The following LPP variants were observed in gnomAD, a reference collection of about 807,000 sequenced individuals.
LPP encodes the protein lipoma-preferred partner.
Under a neutral mutation model 60.4 loss-of-function variants are expected in LPP, and 38 were observed. The ratio of observed to expected loss-of-function variants is 0.63; its 90% CI spans 0.49 to 0.83. The LOEUF is 0.83. LPP is among the 40% of genes least tolerant of loss of function. The pLI is 0.00. For missense variants in LPP, 902 were observed against 783.6 expected, an observed-to-expected ratio of 1.15 and a Z score of -1.80; for synonymous variants, 328 against 290.8, an observed-to-expected ratio of 1.13 and a Z score of -1.30.
At chr3:188,525,693 G>A (rs1820399646) in intron 6 of LPP, among the ~76,000 whole-genome samples, 1 of 152,164 alleles carries the variant, frequency 6.6e-6, no homozygotes, top group South Asian at 2.1e-4. Flanking sequence ...TAGGAGTGGG[G>A]TTGCTACATT....
At chr3:188,389,036 A>AT (rs1468962998) in intron 3 of LPP, among the ~76,000 whole-genome samples, 1 of 152,012 alleles carries the variant, frequency 6.6e-6, no homozygotes, top group Non-Finnish European at 1.5e-5. Flanking sequence ...TGAATCTTTC[A>AT]TTTTTTTGGC....
chr3:188,481,013 C>T (rs1804623187), intron 4 of LPP, among the ~76,000 whole-genome samples: 1 of 152,146 alleles, frequency 6.6e-6, no homozygotes, highest in African/African-American at 2.4e-5. Flanking sequence ...TTTTCTTAAA[C>T]ATGATAATTC....
At chr3:188,378,110 G>C (rs181431807) in intron 3 of LPP, among the ~76,000 whole-genome samples, 3 of 152,332 alleles carry the variant, frequency 2.0e-5, no homozygotes, top group Admixed American at 2.0e-4. Context: ...GTGTCCGTCT[G>C]CCCCTACTGG....
At chr3:188,675,914 G>A (rs555312679) in intron 7 of LPP, among the ~76,000 whole-genome samples, 3 of 151,980 alleles carry the variant, frequency 2.0e-5, no homozygotes, top group Non-Finnish European at 2.9e-5. Flanking sequence ...GTACTGCCCC[G>A]ACTGCTGCAA....
In LPP at chr3:188,436,303, G is replaced by A. The variant is rs555502042; in HGVS notation, c.193+29990G>A. Among the ~76,000 whole-genome samples, 57 of 152,208 alleles carry A rather than the reference G, an allele frequency of 3.7e-4. No homozygotes were observed. The South Asian group carries it at 7.7e-3, about 20-fold the overall frequency. ...AGGTTATGGCTGATATATAATTGAC[G>A]TTATCAGTTTTAGTAAATTTTATTT... On this transcript the variant is annotated intron_variant, in intron 4 of 11. Transcript: ENST00000617246.
chr3:188,396,936 C>T (rs1781091657), intron 3 of LPP, among the ~76,000 whole-genome samples: 1 of 152,176 alleles, frequency 6.6e-6, no homozygotes, highest in South Asian at 2.1e-4. Context: ...TTTAAATCTG[C>T]AGAAACTGAG....
At chr3:188,601,440 A>G (rs909000580) in intron 6 of LPP, among the ~76,000 whole-genome samples, 2 of 152,172 alleles carry the variant, frequency 1.3e-5, no homozygotes, top group African/African-American at 2.4e-5. Flanking sequence ...CTGATTTCCC[A>G]TAAAAATTTT....
intron 9 of LPP, among the ~76,000 whole-genome samples, chr3:188,835,176 T>C (rs1485930568): frequency 1.3e-5 from 2 of 151,846 alleles, no homozygotes; most frequent in African/African-American, 4.8e-5. Flanking sequence ...GAATAAGCTA[T>C]GGCCAGGCGC....
intron 7 of LPP, among the ~76,000 whole-genome samples, chr3:188,661,861 AT>A (rs35656447): frequency 0.027 from 4,042 of 152,270 alleles, 98 homozygotes; most frequent in Non-Finnish European, 0.045. Flanking sequence ...CTCCTAACTC[AT>A]TTTTCTTTCA....
intron 5 of LPP, among the ~76,000 whole-genome samples, chr3:188,512,337 C>T (rs779972410): frequency 3.3e-5 from 5 of 152,162 alleles, no homozygotes; most frequent in South Asian, 4.1e-4. Context: ...GCGGGTGGAT[C>T]GCCTGAGGTC....
At chr3:188,843,124 AT>A (rs1760447579) in intron 9 of LPP, among the ~76,000 whole-genome samples, 1 of 152,046 alleles carries the variant, frequency 6.6e-6, no homozygotes. Flanking sequence ...CTTTTTTATC[AT>A]AATCTTATAT....
At chr3:188,775,479 A>G (rs1184317836) in intron 9 of LPP, among the ~76,000 whole-genome samples, 2 of 152,228 alleles carry the variant, frequency 1.3e-5, no homozygotes, top group Admixed American at 1.3e-4. Flanking sequence ...CTTTAAGGAT[A>G]CATTTAACCT....
chr3:188,499,771 CTTT>C (rs777748615), intron 5 of LPP, among the ~76,000 whole-genome samples: 1 of 152,052 alleles, frequency 6.6e-6, no homozygotes, highest in Non-Finnish European at 1.5e-5. Context: ...TTTATGTCTT[CTTT>C]AATTCCTTTC....
chr3:188,462,591 T>C (rs1254244878), intron 4 of LPP, among the ~76,000 whole-genome samples: 19 of 2,408 alleles, frequency 7.9e-3, no homozygotes, highest in Admixed American at 0.015. Context: ...TATATGCATG[T>C]GTGTGTGTGT....
intron 2 of LPP, among the ~76,000 whole-genome samples, chr3:188,318,095 AG>A (rs1755648874): frequency 6.6e-6 from 1 of 152,166 alleles, no homozygotes; most frequent in African/African-American, 2.4e-5. Flanking sequence ...GGAGGGTAGA[AG>A]CTGGTTTTAA....
At chr3:188,213,101 G>C (rs1711933109) in intron 1 of LPP, 1 of 152,202 alleles carries the variant, frequency 6.6e-6, no homozygotes, top group East Asian at 1.9e-4. Context: ...AAGACAATTT[G>C]GGAGTGCTGT....
intron 10 of LPP, 81 bp downstream of exon 10, chr3:188,866,459 C>A: frequency 2.6e-6 from 3 of 1,153,692 alleles, no homozygotes; most frequent in Non-Finnish European, 3.4e-6. Context: ...GGCATACATT[C>A]TTCTCTCTCA....
intron 2 of LPP, among the ~76,000 whole-genome samples, chr3:188,231,713 A>G (rs73057672): frequency 0.017 from 2,577 of 152,110 alleles, 67 homozygotes; most frequent in African/African-American, 0.056. Flanking sequence ...CGCTCCACAC[A>G]GTCTCTGCTG....
chr3:188,563,716 G>GTTT (rs369454193), intron 6 of LPP, among the ~76,000 whole-genome samples: 1 of 108,030 alleles, frequency 9.3e-6, no homozygotes, highest in Admixed American at 9.0e-5. Flanking sequence ...GGAATTGCTT[G>GTTT]TGTTTTTTTT....
Sources: allele counts gnomAD v4.1 joint callset (sites outside exome capture counted in the v4.1 genomes callset), GRCh38; gene constraint gnomAD v4.1.1; transcripts MANE v1.5; gene names NCBI Gene and HGNC (gene_info 2026-07-23, HGNC 2026-07-21).